The following GRID2 variants were observed in gnomAD, a reference collection of about 807,000 sequenced individuals.
GRID2 encodes glutamate receptor ionotropic, delta-2.
GRID2 carries 33 observed loss-of-function variants against 114.8 expected under a neutral mutation model. The ratio of observed to expected loss-of-function variants is 0.29; its 90% CI spans 0.22 to 0.38. GRID2 has a LOEUF of 0.38. GRID2 is among the 10% of genes least tolerant of loss of function. GRID2 has a pLI of 1.00. For synonymous variants in GRID2, 505 were observed against 449.9 expected (o/e 1.12, Z -1.55); for missense variants, 1,184 against 1,257.7 (o/e 0.94, Z 0.89).
chr4:93,565,863 A>G (rs1281818929), intron 13 of GRID2, among the ~76,000 whole-genome samples: 3 of 152,182 alleles, frequency 2.0e-5, no homozygotes, highest in Non-Finnish European at 4.4e-5. Context: ...AGTTTCACAC[A>G]ATCACGCACA....
intron 2 of GRID2, among the ~76,000 whole-genome samples, chr4:92,608,019 T>C (rs1239091976): frequency 6.6e-6 from 1 of 151,766 alleles, no homozygotes; most frequent in Non-Finnish European, 1.5e-5. Flanking sequence ...AAGGGAAAAG[T>C]AGTAAGCTCT....
At chr4:93,492,583 A>G (rs1399140232) in intron 12 of GRID2, among the ~76,000 whole-genome samples, 2 of 151,822 alleles carry the variant, frequency 1.3e-5, no homozygotes, top group Non-Finnish European at 2.9e-5. Context: ...CTGAGGAAAT[A>G]GAGTATCAAA....
intron 4 of GRID2, among the ~76,000 whole-genome samples, chr4:93,193,904 A>G (rs1317307694): frequency 6.6e-6 from 1 of 152,224 alleles, no homozygotes; most frequent in African/African-American, 2.4e-5. Context: ...AACTCTAGTA[A>G]CAGAAACACA....
chr4:92,669,865 A>G (rs766811388), intron 2 of GRID2, among the ~76,000 whole-genome samples: 120 of 152,070 alleles, frequency 7.9e-4, no homozygotes, highest in Non-Finnish European at 1.5e-3. Flanking sequence ...ATTATTAAAT[A>G]TCTGAGCTTC....
intron 2 of GRID2, among the ~76,000 whole-genome samples, chr4:92,757,579 A>G (rs367990969): frequency 1.8e-4 from 27 of 152,114 alleles, no homozygotes; most frequent in Admixed American, 1.3e-3. Flanking sequence ...GATGTCATCC[A>G]CATACAGATT....
intron 14 of GRID2, among the ~76,000 whole-genome samples, chr4:93,740,578 G>A (rs1731280771): frequency 6.6e-6 from 1 of 152,162 alleles, no homozygotes; most frequent in African/African-American, 2.4e-5. Context: ...TTGCTGTAGC[G>A]CCAGCCTCAG....
At chr4:93,807,804 A>G (rs1221345341) in exon 2 of GRID2, 1 of 152,212 alleles carries the variant, frequency 6.6e-6, no homozygotes, top group East Asian at 1.9e-4. Context: ...GAGGACCACT[A>G]TGTGCCAAGC....
chr4:93,060,301 C>G (rs1727661912), intron 2 of GRID2, among the ~76,000 whole-genome samples: 1 of 152,098 alleles, frequency 6.6e-6, no homozygotes, highest in African/African-American at 2.4e-5. Flanking sequence ...AAAAATTGGA[C>G]TTTTCAAATG....
chr4:92,916,049 C>T (rs1025700023), intron 2 of GRID2, among the ~76,000 whole-genome samples: 4 of 152,020 alleles, frequency 2.6e-5, no homozygotes, highest in Non-Finnish European at 4.4e-5. Flanking sequence ...GTTTTCTTTG[C>T]GATGCGTAAA....
At chr4:93,093,153 TG>T (rs1730924373) in intron 3 of GRID2, among the ~76,000 whole-genome samples, 2 of 152,078 alleles carry the variant, frequency 1.3e-5, no homozygotes, top group African/African-American at 4.8e-5. Flanking sequence ...GCATGCTTGT[TG>T]GCCCCTGCAC....
At chr4:92,361,557 G>T (rs1728620597) in intron 1 of GRID2, among the ~76,000 whole-genome samples, 1 of 151,982 alleles carries the variant, frequency 6.6e-6, no homozygotes, top group Non-Finnish European at 1.5e-5. Context: ...CTCTGAAGGT[G>T]CCATCTGGCA....
intron 2 of GRID2, among the ~76,000 whole-genome samples, chr4:92,659,218 T>C (rs1202759638): frequency 6.6e-6 from 1 of 151,742 alleles, no homozygotes; most frequent in African/African-American, 2.4e-5. Flanking sequence ...TGTTAGCACC[T>C]TCAAAGCCAC....
chr4:92,614,663 T>C (rs1213309351), intron 2 of GRID2, among the ~76,000 whole-genome samples: 3 of 151,666 alleles, frequency 2.0e-5, no homozygotes, highest in Admixed American at 1.3e-4. Flanking sequence ...GTGTGCTTGA[T>C]AGAATGTGTA....
At chr4:93,391,558 T>C (rs1466732432) in intron 8 of GRID2, among the ~76,000 whole-genome samples, 8 of 152,152 alleles carry the variant, frequency 5.3e-5, no homozygotes, top group Admixed American at 5.2e-4. Flanking sequence ...ATGGAGAGAA[T>C]TCCATTTGGT....
chr4:93,515,415 C>G lies in GRID2; in HGVS notation c.2193+4C>G. ...GTCCCAGGCAGGCATTCAAAAGGTA[C>G]TGTCCATGGTTCTCCTTTAATAGTC... On this transcript the variant is annotated splice_donor_region_variant and intron_variant, in intron 13 of 15. Coordinates refer to ENST00000282020, the MANE Select transcript of GRID2 (RefSeq NM_001510.4). The G allele has an allele frequency of 6.3e-7, 1 of 1,584,158 alleles. No individual in the cohort carries two copies. The highest frequency in any genetic ancestry group is 8.7e-7 in the Non-Finnish European group (1 of 1,153,800).
intron 9 of GRID2, among the ~76,000 whole-genome samples, chr4:93,422,483 A>G (rs1768385750): frequency 6.6e-6 from 1 of 152,170 alleles, no homozygotes; most frequent in African/African-American, 2.4e-5. Context: ...GGAGTCTCAG[A>G]TTGGTCCTCC....
Position 92,493,112 on chromosome 4 carries a change from A to G in GRID2, c.89-97019A>G, listed in dbSNP as rs979383298. On this transcript the variant is annotated intron_variant, in intron 1 of 15. Coordinates refer to ENST00000282020, the MANE Select transcript of GRID2 (RefSeq NM_001510.4). ...CCACTGCACTCCAGCCGGGGGACAG[A>G]GCAAGACTCCATCTCAAAAAAAAAA... 2.1e-5 allele frequency among the ~76,000 whole-genome samples: 3 copies of G among 145,766 alleles called. No homozygotes were observed. The Admixed American group carries it at 2.1e-4, about 10-fold the overall frequency.
chr4:93,011,575 A>C lies in GRID2; in HGVS notation c.245-73420A>C, dbSNP rs551275506. Among the ~76,000 whole-genome samples, 3 of 152,242 alleles carry C rather than the reference A, an allele frequency of 2.0e-5. No individual in the cohort carries two copies. In the South Asian group the frequency reaches 6.2e-4, roughly 32 times the overall value. On this transcript the variant is annotated intron_variant, in intron 2 of 15. Coordinates refer to ENST00000282020, the MANE Select transcript of GRID2 (RefSeq NM_001510.4). Reference sequence around the variant, plus strand: ...CATATGAAAATACTTACCATTTCAGAGATTGCAAGAATTTAAAAGCTGTGT... The same window carrying C: ...CATATGAAAATACTTACCATTTCAGCGATTGCAAGAATTTAAAAGCTGTGT...
intron 8 of GRID2, among the ~76,000 whole-genome samples, chr4:93,309,994 G>A (rs543651747): frequency 7.2e-5 from 11 of 152,078 alleles, no homozygotes; most frequent in African/African-American, 2.7e-4. Flanking sequence ...TAGGTGGGGT[G>A]GGACACAGCT....
Sources: allele counts gnomAD v4.1 joint callset (sites outside exome capture counted in the v4.1 genomes callset), GRCh38; gene constraint gnomAD v4.1.1; transcripts MANE v1.5; gene names NCBI Gene and HGNC (gene_info 2026-07-23, HGNC 2026-07-21).